The following LOXL1 variants were observed in gnomAD, a reference collection of about 807,000 sequenced individuals.
The protein encoded by LOXL1 is lysyl oxidase like 1, also known as lysyl oxidase homolog 1.
LOXL1 carries 31 observed loss-of-function variants against 62.2 expected under a neutral mutation model. The ratio of observed to expected loss-of-function variants is 0.50; its 90% confidence interval spans 0.37 to 0.67. The LOEUF (loss-of-function observed/expected upper bound fraction) is 0.67. LOXL1 is among the 30% of genes least tolerant of loss of function. LOXL1 has a pLI of 0.00. For missense variants in LOXL1, 775 were observed against 843.4 expected (o/e 0.92, Z 1.00); for synonymous variants, 403 against 384.4 (o/e 1.05, Z -0.56).
intron 2 of LOXL1, among the ~76,000 whole-genome samples, chr15:73,944,803 T>G (rs1418464724): frequency 6.6e-6 from 1 of 152,226 alleles, no homozygotes; most frequent in Admixed American, 6.5e-5. Context: ...GAGGATGTTT[T>G]GTTTCAACCC....
chr15:73,949,412 GC>G lies in LOXL1; in HGVS notation c.1603-41del, dbSNP rs933731783. On this transcript the variant is annotated intron_variant, in intron 5 of 6. Transcript: ENST00000261921. Reference sequence around the variant, plus strand: ...TTCTCTGGTGAGCAGTTGAGGTGCAGCCCCCCTGACTAGACTCCCTTTCTCC... The same window carrying G: ...TTCTCTGGTGAGCAGTTGAGGTGCAGCCCCCTGACTAGACTCCCTTTCTCC... 7.2e-6 allele frequency: 8 copies of G among 1,114,894 alleles called. No individual in the cohort carries two copies. The African/African-American group carries it at 1.1e-4, about 15-fold the overall frequency. The allele number at this position is 1,114,894 out of a possible 1,614,324, so 69.1% of individuals were successfully genotyped here.
At chr15:73,938,465 C>A (rs57783027) in intron 1 of LOXL1, among the ~76,000 whole-genome samples, 1 of 151,660 alleles carries the variant, frequency 6.6e-6, no homozygotes, top group Non-Finnish European at 1.5e-5. Flanking sequence ...AACCTCAGCA[C>A]TTTGGGAGGC....
intron 5 of LOXL1, 80 bp downstream of exon 5, chr15:73,947,982 C>T (rs1480766301): frequency 2.5e-5 from 27 of 1,078,836 alleles, no homozygotes; most frequent in South Asian, 2.4e-4. Context: ...GAAGCTTCAG[C>T]CTCTGGGCCT....
intron 1 of LOXL1, among the ~76,000 whole-genome samples, chr15:73,932,169 C>T (rs2068639697): frequency 6.6e-6 from 1 of 152,172 alleles, no homozygotes; most frequent in African/African-American, 2.4e-5. Context: ...CCAGCTTTGC[C>T]TCTGTGGTCC....
intron 1 of LOXL1, among the ~76,000 whole-genome samples, chr15:73,939,291 A>AG (rs1185575978): frequency 2.6e-5 from 4 of 152,034 alleles, no homozygotes. Flanking sequence ...CAGCTATGGG[A>AG]GGGGGTCTGC....
At position 73,927,763 on chromosome 15, in the gene LOXL1, T is replaced by G; in HGVS notation, c.980T>G (p.Leu327Arg). ...PPEAYGPPRA[L>R]EPPYLPVRSS... ...GAGGCGTACGGGCCGCCGCGCGCGC[T>G]GGAGCCGCCCTACCTGCCGGTGCGC... Residue 327 changes from leucine (L) to arginine (R), a missense_variant, in exon 1 of 7, where the codon CTG becomes CGG. Coordinates refer to ENST00000261921, the MANE Select transcript of LOXL1 (RefSeq NM_005576.4). 6.9e-7 allele frequency: 1 copy of G among 1,444,158 alleles called. No homozygotes were observed. 89.5% of individuals were successfully genotyped at this position (1,444,158 alleles called of 1,614,324 possible).
chr15:73,951,975 CG>C lies in LOXL1; in HGVS notation c.*139del, dbSNP rs2068791441. ...CTCCCTGCCGGCCTCAGGGAGCGAA[CG>C]TGGATGAAAACCACAGGGATTCCGG... On this transcript the variant is annotated 3_prime_UTR_variant, in exon 7 of 7. Transcript: ENST00000261921. The C allele has an allele frequency of 1.6e-6, 1 of 645,000 alleles. No homozygotes were observed. The highest frequency in any genetic ancestry group is 4.3e-5 in the South Asian group (1 of 23,204). 40.0% of individuals were successfully genotyped at this position (645,000 alleles called of 1,614,324 possible). A position where few individuals can be genotyped will look rare whatever the true frequency, so the allele number is the denominator to read the frequency against.
rs917532624 is a variant in LOXL1, at chr15:73,946,920, C to T, written c.1350-147C>T. 1.0e-5 allele frequency: 9 copies of T among 872,218 alleles called. 1 individual carries two copies. Among genetic ancestry groups the T allele is most frequent in the South Asian group, 5.6e-5 (3 of 53,888 alleles). 54.0% of individuals were successfully genotyped at this position (872,218 alleles called of 1,614,324 possible). A position where few individuals can be genotyped will look rare whatever the true frequency, so the allele number is the denominator to read the frequency against. On this transcript the variant is annotated intron_variant, in intron 3 of 6. Coordinates refer to ENST00000261921, the MANE Select transcript of LOXL1 (RefSeq NM_005576.4). ...GGTGGGGAGCACAGAGGGGCCACCC[C>T]GCAGTACTCAGGAGACAGGAGAACC...
At chr15:73,928,364 G>C (rs2068608197) in intron 1 of LOXL1, 1 of 153,500 alleles carries the variant, frequency 6.5e-6, no homozygotes, top group Non-Finnish European at 1.5e-5. Context: ...GATGCCCCTG[G>C]AGGTGTGGCA....
rs767581670 is a variant in LOXL1, at chr15:73,946,403, C to T, written c.1212-14C>T. The stretch of plus-strand genomic sequence containing the variant: ...TGCCCCAACCCCCCCTCATCTCCCC[C>T]GCCGTCCCTGCAGCACAGCCTATGC... On this transcript the variant is annotated splice_polypyrimidine_tract_variant and intron_variant, in intron 2 of 6. Coordinates refer to ENST00000261921, the MANE Select transcript of LOXL1 (RefSeq NM_005576.4). 1.6e-5 allele frequency: 26 copies of T among 1,602,968 alleles called. No homozygotes were observed. Among genetic ancestry groups the T allele is most frequent in the Admixed American group, 1.0e-4 (6 of 59,768 alleles).
intron 5 of LOXL1, among the ~76,000 whole-genome samples, chr15:73,948,652 G>A (rs1048208064): frequency 6.6e-6 from 1 of 152,218 alleles, no homozygotes; most frequent in Admixed American, 6.5e-5. Flanking sequence ...AGATGCATCC[G>A]GCAGCGGTTC....
At chr15:73,942,730 G>A in intron 1 of LOXL1, 124 bp from the exon 2 acceptor site, 2 of 707,876 alleles carry the variant, frequency 2.8e-6, no homozygotes, top group Non-Finnish European at 5.2e-6. Flanking sequence ...ATGGCAAAGG[G>A]TTTTGGGGTA....
chr15:73,941,895 G>A (rs1272581295), intron 1 of LOXL1: 8 of 206,086 alleles, frequency 3.9e-5, no homozygotes, highest in Admixed American at 1.6e-4. Context: ...TCAGACTCCT[G>A]CATGCCCAGG....
chr15:73,945,687 C>T lies in LOXL1; in HGVS notation c.1212-730C>T, dbSNP rs2068742626. Reference sequence around the variant, plus strand: ...TAGGGCTCTGTCTTGTTGTCAGAGACTTATCAGAATCTCCTGGATAGGACT... The same window carrying T: ...TAGGGCTCTGTCTTGTTGTCAGAGATTTATCAGAATCTCCTGGATAGGACT... On this transcript the variant is annotated intron_variant, in intron 2 of 6. Coordinates refer to ENST00000261921, the MANE Select transcript of LOXL1 (RefSeq NM_005576.4). This position sits in a 1 kb window ranked among gnomAD's most constrained non-coding sequence, Gnocchi z 4.3. 1.3e-5 allele frequency among the ~76,000 whole-genome samples: 2 copies of T among 151,872 alleles called. No homozygotes were observed. Among genetic ancestry groups the T allele is most frequent in the South Asian group, 4.2e-4 (2 of 4,806 alleles).
At chr15:73,940,645 G>A (rs893268303) in intron 1 of LOXL1, among the ~76,000 whole-genome samples, 1 of 152,172 alleles carries the variant, frequency 6.6e-6, no homozygotes, top group African/African-American at 2.4e-5. Flanking sequence ...CAGGGTCAAG[G>A]CTCAGGGTGT....
At chr15:73,950,640 G>C (rs190613435) in intron 6 of LOXL1, among the ~76,000 whole-genome samples, 41 of 152,274 alleles carry the variant, frequency 2.7e-4, no homozygotes, top group Middle Eastern at 3.4e-3. Context: ...TCTGTGACCA[G>C]AGTCAGGGCC....
chr15:73,937,788 A>G (rs149794076), intron 1 of LOXL1, among the ~76,000 whole-genome samples: 1 of 152,358 alleles, frequency 6.6e-6, no homozygotes, highest in African/African-American at 2.4e-5. Flanking sequence ...AGTCTGAGCA[A>G]GCCCATCCAC....
Position 73,927,845 on chromosome 15 carries a change from C to T in LOXL1, c.1062C>T (p.Leu354=), listed in dbSNP as rs1164315474. 1.4e-5 allele frequency: 19 copies of T among 1,337,108 alleles called. No homozygotes were observed. Among genetic ancestry groups the T allele is most frequent in the African/African-American group, 3.1e-5 (2 of 64,982 alleles). The allele number at this position is 1,337,108 out of a possible 1,614,324, so 82.8% of individuals were successfully genotyped here. A position where few individuals can be genotyped will look rare whatever the true frequency, so the allele number is the denominator to read the frequency against. Residue 354 remains leucine (L), a synonymous_variant, in exon 1 of 7, where the codon CTC becomes CTT. Transcript: ENST00000261921. Reference sequence around the variant, plus strand: ...GGAACGGCGCGCAGCAGGGCCGCCTCAGCGTGGGCAGCGTGTACCGGCCCA... The same window carrying T: ...GGAACGGCGCGCAGCAGGGCCGCCTTAGCGTGGGCAGCGTGTACCGGCCCA... ...GERNGAQQGR[L]SVGSVYRPNQ... is the part of the protein sequence containing the mutation.
chr15:73,930,146 G>A lies in LOXL1; in HGVS notation c.1102+2261G>A, dbSNP rs949824665. ...CATCAAGTCCAGGCCCTTCCCTGGGGCAGTCTACCAGGAGGGGCATCTCAG... is the reference window on the plus strand; with the variant it reads ...CATCAAGTCCAGGCCCTTCCCTGGGACAGTCTACCAGGAGGGGCATCTCAG... On this transcript the variant is annotated intron_variant, in intron 1 of 6. Coordinates refer to ENST00000261921, the MANE Select transcript of LOXL1 (RefSeq NM_005576.4). The surrounding 1 kb of genome is among the most constrained non-coding windows in gnomAD (Gnocchi z 4.7). 6.6e-6 allele frequency among the ~76,000 whole-genome samples: 1 copy of A among 152,210 alleles called. No individual in the cohort carries two copies. The highest frequency in any genetic ancestry group is 2.4e-5 in the African/African-American group (1 of 41,458).
Sources: allele counts gnomAD v4.1 joint callset (sites outside exome capture counted in the v4.1 genomes callset), GRCh38; gene constraint gnomAD v4.1.1; non-coding constraint Gnocchi (gnomAD v3.1); transcripts MANE v1.5; gene names NCBI Gene and HGNC (gene_info 2026-07-23, HGNC 2026-07-21).